Variants in CCDC102B observed in about 807,000 individuals in gnomAD.
The protein encoded by CCDC102B is coiled-coil domain containing 102B.
In CCDC102B, 75 loss-of-function variants were observed where a neutral mutation model predicts 57.4. The observed-to-expected ratio is 1.31, with a 90% CI of 1.08 to 1.58. CCDC102B has a LOEUF of 1.58. CCDC102B is among the 40% of genes most tolerant of loss of function. CCDC102B has a pLI of 0.00. For synonymous variants in CCDC102B, 206 were observed against 201.9 expected (o/e 1.02, Z -0.17); for missense variants, 636 against 582.6 (o/e 1.09, Z -0.94).
intron 5 of CCDC102B, among the ~76,000 whole-genome samples, chr18:68,887,362 G>T (rs1378301463): frequency 6.6e-6 from 1 of 152,062 alleles, no homozygotes; most frequent in African/African-American, 2.4e-5. Context: ...TTGAACTCTG[G>T]TCATAAATAA....
chr18:68,871,012 A>G (rs545933812), intron 4 of CCDC102B, among the ~76,000 whole-genome samples: 13 of 152,324 alleles, frequency 8.5e-5, no homozygotes, highest in Admixed American at 1.3e-4. Context: ...TTATCTGAAT[A>G]TAGAATACAT....
At chr18:68,948,514 T>G (rs2049602684) in intron 6 of CCDC102B, among the ~76,000 whole-genome samples, 1 of 152,066 alleles carries the variant, frequency 6.6e-6, no homozygotes, top group African/African-American at 2.4e-5. Flanking sequence ...CAATGAAACA[T>G]TGAAGATGGC....
At chr18:68,887,891 A>G (rs1045018156) in intron 5 of CCDC102B, among the ~76,000 whole-genome samples, 4 of 152,216 alleles carry the variant, frequency 2.6e-5, no homozygotes, top group Admixed American at 2.6e-4. Context: ...AATGATGGTG[A>G]TATCTTGACA....
intron 1 of CCDC102B, among the ~76,000 whole-genome samples, chr18:68,800,030 C>T (rs1158641530): frequency 1.3e-5 from 2 of 152,054 alleles, no homozygotes; most frequent in Non-Finnish European, 2.9e-5. Flanking sequence ...TTTGCCAACA[C>T]ATAATAGCAT....
chr18:68,981,391 A>G (rs1228537564), intron 6 of CCDC102B, among the ~76,000 whole-genome samples: 2 of 152,032 alleles, frequency 1.3e-5, no homozygotes, highest in Non-Finnish European at 2.9e-5. Context: ...GACATGAGGC[A>G]TAAGGGACAG....
At chr18:68,811,635 A>G (rs1164951369) in intron 1 of CCDC102B, among the ~76,000 whole-genome samples, 4 of 152,122 alleles carry the variant, frequency 2.6e-5, no homozygotes, top group Non-Finnish European at 5.9e-5. Context: ...CAAACAAAAA[A>G]CATAAGAAAG....
At chr18:68,865,184 A>G (rs568095130) in intron 4 of CCDC102B, among the ~76,000 whole-genome samples, 1 of 152,214 alleles carries the variant, frequency 6.6e-6, no homozygotes, top group East Asian at 1.9e-4. Context: ...CTGTTTTCAC[A>G]TTGGCCTGAC....
chr18:68,875,900 G>A (rs1317912417), intron 5 of CCDC102B, among the ~76,000 whole-genome samples: 5 of 152,170 alleles, frequency 3.3e-5, no homozygotes, highest in Middle Eastern at 3.4e-3. Context: ...AATGCCATCC[G>A]TTGACAGCTC....
chr18:68,790,478 C>A (rs28450189), intron 2 of CCDC102B, among the ~76,000 whole-genome samples: 1 of 151,714 alleles, frequency 6.6e-6, no homozygotes, highest in Non-Finnish European at 1.5e-5. Context: ...TAGCAATCAG[C>A]GAGACTCCGA....
At position 68,898,871 on chromosome 18, in the gene CCDC102B, C is replaced by A. The variant is rs976671745; in HGVS notation, c.1263+1443C>A. Among the ~76,000 whole-genome samples, 28 of 152,098 alleles carry A rather than the reference C, an allele frequency of 1.8e-4. No individual in the cohort carries two copies. In the East Asian group the frequency reaches 5.4e-3, roughly 29 times the overall value. On this transcript the variant is annotated intron_variant, in intron 6 of 7. Coordinates refer to ENST00000360242, the MANE Select transcript of CCDC102B (RefSeq NM_024781.3). The stretch of plus-strand genomic sequence containing the variant: ...GATTTTGGCACCTTTCTAGTTGTAT[C>A]AAAATGTATTAATATAAAGTATATC...
chr18:68,777,487 A>G (rs1336327181), intron 2 of CCDC102B, among the ~76,000 whole-genome samples: 1 of 152,018 alleles, frequency 6.6e-6, no homozygotes, highest in East Asian at 1.9e-4. Context: ...CTTGATTTCT[A>G]ACTTTCACTT....
intron 2 of CCDC102B, among the ~76,000 whole-genome samples, chr18:68,758,594 C>A (rs1033147429): frequency 6.6e-6 from 1 of 151,706 alleles, no homozygotes; most frequent in East Asian, 1.9e-4. Flanking sequence ...GTTATGACCC[C>A]CAAAATCCAA....
intron 6 of CCDC102B, among the ~76,000 whole-genome samples, chr18:68,914,653 A>G (rs2040999119): frequency 6.6e-6 from 1 of 152,134 alleles, no homozygotes; most frequent in African/African-American, 2.4e-5. Flanking sequence ...TCACACCACC[A>G]CTACTATCTC....
At chr18:68,740,538 G>C (rs2033335126) in intron 2 of CCDC102B, among the ~76,000 whole-genome samples, 1 of 152,158 alleles carries the variant, frequency 6.6e-6, no homozygotes, top group Non-Finnish European at 1.5e-5. Context: ...ACATCGATGT[G>C]AGATTGACAT....
intron 5 of CCDC102B, among the ~76,000 whole-genome samples, chr18:68,886,581 T>C (rs76375077): frequency 0.025 from 3,727 of 152,116 alleles, 98 homozygotes; most frequent in African/African-American, 0.067. Context: ...ATAATCATTT[T>C]ATTTCAATGT....
At chr18:69,012,697 C>T (rs1295310399) in intron 7 of CCDC102B, among the ~76,000 whole-genome samples, 1 of 152,022 alleles carries the variant, frequency 6.6e-6, no homozygotes, top group African/African-American at 2.4e-5. Context: ...CCAAAATATG[C>T]ATGATTCTCT....
chr18:68,860,030 T>G lies in CCDC102B; in HGVS notation c.936+13609T>G. Among the ~76,000 whole-genome samples, 2 of 74,172 alleles carry G rather than the reference T, an allele frequency of 2.7e-5. 1 individual carries two copies. Among genetic ancestry groups the G allele is most frequent in the African/African-American group, 7.7e-5 (2 of 25,922 alleles). The allele number at this position is 74,172 out of a possible 152,430, so 48.7% of individuals were successfully genotyped here. On this transcript the variant is annotated intron_variant, in intron 4 of 7. Coordinates refer to ENST00000360242, the MANE Select transcript of CCDC102B (RefSeq NM_024781.3). Reference sequence around the variant, plus strand: ...ATGTTTATTGCGGCATTATTCACAATAGCAAAGACTTGGAACCAACCCAAA... The same window carrying G: ...ATGTTTATTGCGGCATTATTCACAAGAGCAAAGACTTGGAACCAACCCAAA...
At chr18:68,949,496 G>C (rs2049634367) in intron 6 of CCDC102B, among the ~76,000 whole-genome samples, 1 of 152,024 alleles carries the variant, frequency 6.6e-6, no homozygotes, top group African/African-American at 2.4e-5. Flanking sequence ...TTTTATCTGA[G>C]GCACAAACAT....
intron 6 of CCDC102B, among the ~76,000 whole-genome samples, chr18:68,920,155 C>A (rs1335069266): frequency 1.3e-5 from 2 of 152,046 alleles, no homozygotes; most frequent in Non-Finnish European, 2.9e-5. Context: ...TGTGTTGTTC[C>A]CTTCTATGTG....
Sources: gnomAD v4.1 joint callset for allele counts (sites outside exome capture counted in the v4.1 genomes callset) on GRCh38, gnomAD v4.1.1 for gene constraint, MANE v1.5 for transcripts, NCBI Gene and HGNC (gene_info 2026-07-23, HGNC 2026-07-21) for gene names.